ZCCHC14: variants seen among roughly 807,000 people sequenced by gnomAD.
ZCCHC14 encodes zinc finger CCHC-type containing 14, also known as zinc finger CCHC domain-containing protein 14.
ZCCHC14 carries 16 observed loss-of-function variants against 85.0 expected under a neutral mutation model. That is an observed-to-expected ratio of 0.19 (90% CI 0.13 to 0.29). ZCCHC14 has a LOEUF of 0.29. Ranked by LOEUF, ZCCHC14 falls within the 10% of genes least tolerant of loss-of-function variation. The pLI, the probability that ZCCHC14 is intolerant of heterozygous loss-of-function variation, is 1.00. For missense variants in ZCCHC14, 1,303 were observed against 1,443.5 expected (o/e 0.90, Z 1.58); for synonymous variants, 775 against 630.7 (o/e 1.23, Z -3.43).
chr16:87,410,105 G>T lies in ZCCHC14; in HGVS notation c.*175C>A. 1 of 497,088 alleles carries T rather than the reference G, an allele frequency of 2.0e-6. No homozygotes were observed. Among genetic ancestry groups the T allele is most frequent in the Non-Finnish European group, 3.6e-6 (1 of 280,558 alleles). 30.8% of individuals were successfully genotyped at this position (497,088 alleles called of 1,614,324 possible). Reference sequence around the variant, plus strand: ...ACACCAAGCTCCAATCTAGGGTTTTGGCAATAAATCGAGTTTGATGCACTT... The same window carrying T: ...ACACCAAGCTCCAATCTAGGGTTTTTGCAATAAATCGAGTTTGATGCACTT... On this transcript the variant is annotated 3_prime_UTR_variant, in exon 13 of 13. Transcript: ENST00000671377.
intron 2 of ZCCHC14, among the ~76,000 whole-genome samples, chr16:87,448,647 A>G (rs919160975): frequency 2.6e-5 from 4 of 152,080 alleles, no homozygotes; most frequent in Non-Finnish European, 5.9e-5. Flanking sequence ...TCACTTTTAC[A>G]TCCCAACAAC....
intron 1 of ZCCHC14, chr16:87,472,974 A>G (rs985292677): frequency 1.3e-5 from 2 of 152,172 alleles, no homozygotes; most frequent in South Asian, 2.1e-4. Context: ...TCAGCCTCCC[A>G]AAAGTGGTGA....
At position 87,492,255 on chromosome 16, in the gene ZCCHC14, C is replaced by T. The variant is rs1227998027; in HGVS notation, c.-17G>A. On this transcript the variant is annotated 5_prime_UTR_variant, in exon 1 of 13. Transcript: ENST00000671377. This position sits in a 1 kb window ranked among gnomAD's most constrained non-coding sequence, Gnocchi z 6.7. ...CTCCACCATGCTGCCGCCCGCGCCGCGCCGCGACCCGGGGCCGGGGACCGC... is the reference window on the plus strand; with the variant it reads ...CTCCACCATGCTGCCGCCCGCGCCGTGCCGCGACCCGGGGCCGGGGACCGC... The T allele has an allele frequency of 1.0e-6, 1 of 981,236 alleles. No individual in the cohort carries two copies. Among genetic ancestry groups the T allele is most frequent in the Non-Finnish European group, 1.2e-6 (1 of 828,574 alleles). 60.8% of individuals were successfully genotyped at this position (981,236 alleles called of 1,614,324 possible).
chr16:87,410,132 T>C lies in ZCCHC14; in HGVS notation c.*148A>G. On this transcript the variant is annotated 3_prime_UTR_variant, in exon 13 of 13. Coordinates refer to ENST00000671377, the MANE Select transcript of ZCCHC14 (RefSeq NM_015144.3). ...CAATAAATCGAGTTTGATGCACTTC[T>C]ACGCTAGATTTTCTATCCAGTCTAG... 2 of 545,760 alleles carry C rather than the reference T, an allele frequency of 3.7e-6. No homozygotes were observed. The highest frequency in any genetic ancestry group is 6.5e-6 in the Non-Finnish European group (2 of 305,546). 33.8% of individuals were successfully genotyped at this position (545,760 alleles called of 1,614,324 possible).
At chr16:87,445,732 C>T (rs1006485771) in intron 2 of ZCCHC14, among the ~76,000 whole-genome samples, 13 of 152,270 alleles carry the variant, frequency 8.5e-5, no homozygotes, top group East Asian at 3.9e-4. Context: ...ACCATCTGGC[C>T]AAGAACTGAA....
chr16:87,416,167 C>T (rs1243495453), intron 8 of ZCCHC14, among the ~76,000 whole-genome samples: 1 of 152,032 alleles, frequency 6.6e-6, no homozygotes, highest in Non-Finnish European at 1.5e-5. Context: ...CTCAGATGAT[C>T]CACCTGCCTC....
intron 2 of ZCCHC14, among the ~76,000 whole-genome samples, chr16:87,439,261 G>A (rs1370046552): frequency 6.6e-6 from 1 of 151,956 alleles, no homozygotes. Flanking sequence ...AGCCTCCTGA[G>A]CAGCTGGGAC....
chr16:87,426,857 T>C (rs149978464), intron 3 of ZCCHC14, among the ~76,000 whole-genome samples: 219 of 152,298 alleles, frequency 1.4e-3, no homozygotes, highest in African/African-American at 5.2e-3. Flanking sequence ...GAAGAAGGCA[T>C]ATCCGAGAAC....
In ZCCHC14 at chr16:87,433,142, C is replaced by A; in HGVS notation, c.754G>T (p.Glu252Ter). The A allele has an allele frequency of 1.2e-6, 2 of 1,614,200 alleles. No homozygotes were observed. Among genetic ancestry groups the A allele is most frequent in the South Asian group, 2.2e-5 (2 of 91,068 alleles). Reference sequence around the variant, plus strand: ...TAGCATCTTACCTCAAAGGAACATTCAACATTTCTGTCATTTTTTGTGTGT... The same window carrying A: ...TAGCATCTTACCTCAAAGGAACATTAAACATTTCTGTCATTTTTTGTGTGT... ...LSHTKNDRNVECSFEVLWSDS... is the reference protein window; with the variant it reads ...LSHTKNDRNV Residue 252 changes from glutamate to a stop codon, truncating the protein, a stop_gained, in exon 3 of 13, where the codon GAA becomes TAA. Transcript: ENST00000671377. LOFTEE classifies it high-confidence loss of function.
At position 87,420,767 on chromosome 16, in the gene ZCCHC14, A is replaced by T. The variant is rs752086782; in HGVS notation, c.841-51T>A. 8.7e-6 allele frequency: 13 copies of T among 1,486,254 alleles called. No individual in the cohort carries two copies. The South Asian group carries it at 1.6e-4, about 19-fold the overall frequency. 92.1% of individuals were successfully genotyped at this position (1,486,254 alleles called of 1,614,324 possible). ...GGTGTGTCCAGACCCATCCAACACC[A>T]GCAGAATTCTGCTACTGCAGGAAAA... On this transcript the variant is annotated intron_variant, in intron 4 of 12. Coordinates refer to ENST00000671377, the MANE Select transcript of ZCCHC14 (RefSeq NM_015144.3). This position sits in a 1 kb window ranked among gnomAD's most constrained non-coding sequence, Gnocchi z 5.0.
intron 2 of ZCCHC14, among the ~76,000 whole-genome samples, chr16:87,459,344 C>T (rs1911139799): frequency 1.3e-5 from 2 of 151,748 alleles, no homozygotes; most frequent in Admixed American, 6.6e-5. Flanking sequence ...CTTATTCCTC[C>T]CACCCTTTTT....
rs751310346 is a variant in ZCCHC14 at position 87,419,812 on chromosome 16, G to A, written c.1016C>T (p.Ser339Phe). ...ACTCTGAAGCTGCTGTGGGGGAGAG[G>A]AAGTGCTGAGAAACCTCCTGACATG... The part of the protein sequence containing the change: ...NDHVRRFLST[S>F]SPPQQLQSPS... The change falls in exon 6 of 13, where the codon TCC (serine) becomes TTC (phenylalanine). Residue 339 changes from serine (S) to phenylalanine (F), a missense_variant. Physicochemically the swap from Ser to Phe is radical, Grantham distance 155. Coordinates refer to ENST00000671377, the MANE Select transcript of ZCCHC14 (RefSeq NM_015144.3). The A allele has an allele frequency of 1.4e-5, 22 of 1,611,664 alleles. No homozygotes were observed. The highest frequency in any genetic ancestry group is 3.4e-5 in the Admixed American group (2 of 59,642).
In ZCCHC14 at chr16:87,412,681, A is replaced by G; in HGVS notation, c.2040T>C (p.Ser680=). ...CCACTTTCATGCTGCTTCTTGGTCC[A>G]GATCCTTTATTCCTTTCTTCTAGAG... The part of the protein sequence containing the change: ...LLSLEERNKG[S]GPRSSMKVDK... The change falls in exon 12 of 13, where the codon TCT becomes TCC. Residue 680 remains serine (S), a synonymous_variant. Transcript: ENST00000671377. 6.2e-7 allele frequency: 1 copy of G among 1,614,232 alleles called. No homozygotes were observed. The highest frequency in any genetic ancestry group is 8.5e-7 in the Non-Finnish European group (1 of 1,180,046).
In ZCCHC14 at chr16:87,406,397, G is replaced by C. The variant is rs1908202952; in HGVS notation, c.*3883C>G. ...ACATTTACAATTCAAAATCAAATTAGCGGAATATTAAATATTTACAAAACT... is the reference window on the plus strand; with the variant it reads ...ACATTTACAATTCAAAATCAAATTACCGGAATATTAAATATTTACAAAACT... On this transcript the variant is annotated 3_prime_UTR_variant, in exon 13 of 13. Coordinates refer to ENST00000671377, the MANE Select transcript of ZCCHC14 (RefSeq NM_015144.3). 1 of 152,518 alleles carries C rather than the reference G, an allele frequency of 6.6e-6. No individual in the cohort carries two copies. The highest frequency in any genetic ancestry group is 1.5e-5 in the Non-Finnish European group (1 of 68,022). The allele number at this position is 152,518 out of a possible 1,614,324, so 9.4% of individuals were successfully genotyped here. A position where few individuals can be genotyped will look rare whatever the true frequency, so the allele number is the denominator to read the frequency against.
In ZCCHC14 at chr16:87,408,265, A is replaced by G. The variant is rs952067865; in HGVS notation, c.*2015T>C. 1.3e-5 allele frequency: 2 copies of G among 152,626 alleles called. No individual in the cohort carries two copies. Among genetic ancestry groups the G allele is most frequent in the Non-Finnish European group, 2.9e-5 (2 of 68,046 alleles). 9.5% of individuals were successfully genotyped at this position (152,626 alleles called of 1,614,324 possible). A position where few individuals can be genotyped will look rare whatever the true frequency, so the allele number is the denominator to read the frequency against. On this transcript the variant is annotated 3_prime_UTR_variant, in exon 13 of 13. Transcript: ENST00000671377. ...CTTTTGTTATGAGACGGTTTTCAAC[A>G]ATTTCAGTGTTGAAATAGGATTTAT... is the stretch of plus-strand genomic sequence containing the variant.
chr16:87,418,787 C>G, intron 7 of ZCCHC14, 60 bp downstream of exon 7: 1 of 1,523,030 alleles, frequency 6.6e-7, no homozygotes, highest in Non-Finnish European at 9.1e-7. Flanking sequence ...ACACAGAACT[C>G]AAAGTAAACA....
At position 87,492,917 on chromosome 16, in the gene ZCCHC14, G is replaced by GCGGCGA. The variant is rs551285359; in HGVS notation, c.-685_-680dup. Among the ~76,000 whole-genome samples the GCGGCGA allele has an allele frequency of 0.018, 2,545 of 145,316 alleles. 46 individuals are homozygous for GCGGCGA. Among genetic ancestry groups the GCGGCGA allele is most frequent in the East Asian group, 0.12 (565 of 4,604 alleles). ...GGATCCGGGCCCGAGCGCGGCGGCGGCGGCGACGGCGACGGCGACGGCGAC... is the reference window on the plus strand; with the variant it reads ...GGATCCGGGCCCGAGCGCGGCGGCGGCGGCGACGGCGACGGCGACGGCGACGGCGAC... On this transcript the variant is annotated 5_prime_UTR_variant, in exon 1 of 13. Coordinates refer to ENST00000671377, the MANE Select transcript of ZCCHC14 (RefSeq NM_015144.3). This position sits in a 1 kb window ranked among gnomAD's most constrained non-coding sequence, Gnocchi z 6.7.
At chr16:87,483,928 C>T (rs1468673414) in intron 1 of ZCCHC14, among the ~76,000 whole-genome samples, 2 of 152,162 alleles carry the variant, frequency 1.3e-5, no homozygotes, top group Non-Finnish European at 2.9e-5. Flanking sequence ...TGTAATAATA[C>T]GATGGAACAA....
intron 1 of ZCCHC14, among the ~76,000 whole-genome samples, chr16:87,481,245 G>A (rs190807697): frequency 1.3e-5 from 2 of 152,164 alleles, no homozygotes; most frequent in East Asian, 3.9e-4. Flanking sequence ...AAAGAGTTAA[G>A]GTACCAATGC....
Sources: allele counts gnomAD v4.1 joint callset (sites outside exome capture counted in the v4.1 genomes callset), GRCh38; gene constraint gnomAD v4.1.1; non-coding constraint Gnocchi (gnomAD v3.1); transcripts MANE v1.5; gene names NCBI Gene and HGNC (gene_info 2026-07-23, HGNC 2026-07-21).